The following CBR4 variants were observed in gnomAD, a reference collection of about 807,000 sequenced individuals.
CBR4 encodes 3-oxoacyl-[acyl-carrier-protein] reductase.
In CBR4, 22 loss-of-function variants were observed where a neutral mutation model predicts 21.0. The observed-to-expected ratio is 1.05, with a 90% CI of 0.75 to 1.50. CBR4 has a LOEUF of 1.50. CBR4 is among the 40% of genes most tolerant of loss of function. The pLI is 0.00. For missense variants in CBR4, 302 were observed against 286.3 expected (o/e 1.05, Z -0.40); for synonymous variants, 100 against 104.4 (o/e 0.96, Z 0.26).
At chr4:168,928,500 A>G (rs889160412) in intron 2 of CBR4, 2 of 169,162 alleles carry the variant, frequency 1.2e-5, no homozygotes, top group Admixed American at 1.3e-4. Context: ...ACTTTGAGTG[A>G]TGTTTGAGGC....
intron 2 of CBR4, among the ~76,000 whole-genome samples, chr4:168,934,875 A>T (rs185079072): frequency 1.3e-4 from 20 of 152,344 alleles, no homozygotes; most frequent in Non-Finnish European, 2.5e-4. Context: ...TAAGGACATA[A>T]CAAAAAAACA....
At chr4:168,958,015 G>A (rs968487974) in intron 2 of CBR4, among the ~76,000 whole-genome samples, 2 of 152,158 alleles carry the variant, frequency 1.3e-5, no homozygotes, top group African/African-American at 4.8e-5. Flanking sequence ...GGAACTATGA[G>A]TAATTAAACC....
At chr4:168,922,810 C>A (rs1761843092) in intron 2 of CBR4, among the ~76,000 whole-genome samples, 1 of 152,148 alleles carries the variant, frequency 6.6e-6, no homozygotes, top group Non-Finnish European at 1.5e-5. Context: ...GTTAAATATG[C>A]CTTTTGATCA....
chr4:168,914,445 C>A (rs1759690047), intron 2 of CBR4, among the ~76,000 whole-genome samples: 1 of 152,158 alleles, frequency 6.6e-6, no homozygotes, highest in Non-Finnish European at 1.5e-5. Flanking sequence ...TGTTAATGTT[C>A]ATTTTTCAGC....
chr4:168,943,650 C>T (rs183429635), intron 2 of CBR4, among the ~76,000 whole-genome samples: 2 of 152,170 alleles, frequency 1.3e-5, no homozygotes, highest in Non-Finnish European at 2.9e-5. Context: ...TGGCTCATGC[C>T]TGTAATTCCA....
chr4:168,922,100 TATACACACACACACACACAC>T (rs1017070173), intron 2 of CBR4, among the ~76,000 whole-genome samples: 7 of 96,632 alleles, frequency 7.2e-5, no homozygotes, highest in African/African-American at 1.1e-4. Flanking sequence ...TATATATATA[TATACACACACACACACACAC>T]ACACACACAC....
At chr4:168,957,261 T>G (rs1415324227) in intron 2 of CBR4, among the ~76,000 whole-genome samples, 1 of 152,146 alleles carries the variant, frequency 6.6e-6, no homozygotes, top group Non-Finnish European at 1.5e-5. Flanking sequence ...AAAAATGATT[T>G]ACTTACTCTT....
intron 2 of CBR4, among the ~76,000 whole-genome samples, chr4:168,978,850 C>T (rs1465330076): frequency 2.0e-5 from 3 of 152,172 alleles, no homozygotes; most frequent in Non-Finnish European, 4.4e-5. Flanking sequence ...CTAGGCAAAG[C>T]CCACTGGCCT....
intron 2 of CBR4, chr4:168,913,867 T>C (rs1759564586): frequency 3.7e-6 from 4 of 1,074,000 alleles, no homozygotes; most frequent in Non-Finnish European, 5.8e-6. Context: ...GTAGGCATGA[T>C]AGTGCTTAGT....
Position 169,010,142 on chromosome 4 carries a change from A to G in CBR4, c.-53T>C. On this transcript the variant is annotated 5_prime_UTR_variant, in exon 1 of 5. Transcript: ENST00000306193. ...GGGTAGGGAGTGGGAGCCCCTCTCC[A>G]GGTTCCCTCAGGCTTTTAAACAACC... is the stretch of plus-strand genomic sequence containing the variant. The G allele has an allele frequency of 6.9e-7, 1 of 1,444,218 alleles. No individual in the cohort carries two copies. Among genetic ancestry groups the G allele is most frequent in the Non-Finnish European group, 9.3e-7 (1 of 1,078,756 alleles). 89.5% of individuals were successfully genotyped at this position (1,444,218 alleles called of 1,614,324 possible).
intron 2 of CBR4, among the ~76,000 whole-genome samples, chr4:168,955,831 A>C (rs777111410): frequency 6.6e-5 from 10 of 152,196 alleles, no homozygotes; most frequent in Non-Finnish European, 1.5e-4. Flanking sequence ...AGCAATGGCC[A>C]CAAGGGATTA....
chr4:168,899,918 A>C (rs1000630482), intron 2 of CBR4, among the ~76,000 whole-genome samples: 96 of 143,692 alleles, frequency 6.7e-4, no homozygotes, highest in Non-Finnish European at 1.3e-3. Context: ...ACTCCGTCTC[A>C]AAAAAAAAAA....
intron 2 of CBR4, among the ~76,000 whole-genome samples, chr4:168,916,552 CAGG>C (rs1760146719): frequency 6.6e-6 from 1 of 152,074 alleles, no homozygotes; most frequent in South Asian, 2.1e-4. Flanking sequence ...AGAAAGTCAT[CAGG>C]AGGTTTTATT....
At chr4:168,964,012 T>C (rs1763943302) in intron 2 of CBR4, among the ~76,000 whole-genome samples, 1 of 152,076 alleles carries the variant, frequency 6.6e-6, no homozygotes, top group Non-Finnish European at 1.5e-5. Flanking sequence ...AAAATGCAAC[T>C]GACAGGAAAT....
At chr4:168,915,821 A>G (rs891109020) in intron 2 of CBR4, 11 of 1,189,882 alleles carry the variant, frequency 9.2e-6, no homozygotes, top group Non-Finnish European at 1.4e-5. Context: ...GTATTTTAAG[A>G]AAACAGATGA....
intron 4 of CBR4, among the ~76,000 whole-genome samples, chr4:168,997,816 T>C (rs1212005926): frequency 2.0e-5 from 3 of 152,144 alleles, no homozygotes; most frequent in Non-Finnish European, 4.4e-5. Flanking sequence ...TTGATGTATC[T>C]GCCAGATAAG....
chr4:168,909,505 A>C (rs1758468323), intron 2 of CBR4, among the ~76,000 whole-genome samples: 1 of 152,198 alleles, frequency 6.6e-6, no homozygotes, highest in African/African-American at 2.4e-5. Context: ...GGAATGGAAA[A>C]GTAACACACA....
intron 2 of CBR4, among the ~76,000 whole-genome samples, chr4:168,902,476 C>T (rs747859590): frequency 6.6e-6 from 1 of 152,102 alleles, no homozygotes; most frequent in Non-Finnish European, 1.5e-5. Flanking sequence ...TAACTTAAAT[C>T]GAAAATAATA....
chr4:168,917,922 T>A (rs1387802255), intron 2 of CBR4, among the ~76,000 whole-genome samples: 1 of 151,986 alleles, frequency 6.6e-6, no homozygotes, highest in Non-Finnish European at 1.5e-5. Flanking sequence ...AATCAGAGGC[T>A]GGGCACAGTG....
Sources: allele counts gnomAD v4.1 joint callset (sites outside exome capture counted in the v4.1 genomes callset), GRCh38; gene constraint gnomAD v4.1.1; transcripts MANE v1.5; gene names NCBI Gene and HGNC (gene_info 2026-07-23, HGNC 2026-07-21).